Variants in EYS observed in about 807,000 individuals in gnomAD.
The protein encoded by EYS is protein eyes shut homolog.
In EYS, 250 loss-of-function variants were observed where a neutral mutation model predicts 282.1. The ratio of observed to expected loss-of-function variants is 0.89; its 90% CI spans 0.80 to 0.98. The LOEUF is 0.98. Among genes scored for constraint, EYS ranks in the 50% least tolerant of loss-of-function variants. EYS has a pLI of 0.00. For missense variants in EYS, 4,016 were observed against 3,709.0 expected (o/e 1.08, Z -2.15); for synonymous variants, 1,355 against 1,282.9 (o/e 1.06, Z -1.20).
chr6:64,426,721 A>T (rs1774420661), intron 28 of EYS, among the ~76,000 whole-genome samples: 1 of 152,100 alleles, frequency 6.6e-6, no homozygotes. Flanking sequence ...AGCAAGAGGG[A>T]TAAACTATTT....
intron 2 of EYS, among the ~76,000 whole-genome samples, chr6:65,518,885 C>T (rs965353812): frequency 4.6e-5 from 7 of 152,062 alleles, no homozygotes; most frequent in African/African-American, 1.7e-4. Flanking sequence ...TGAGAAAGAC[C>T]CGCCCCCATA....
intron 1 of EYS, among the ~76,000 whole-genome samples, chr6:65,649,119 C>G (rs143314828): frequency 8.6e-6 from 1 of 115,658 alleles, no homozygotes; most frequent in Non-Finnish European, 1.6e-5. Flanking sequence ...GCCTGTGCGA[C>G]AGAGCGAGAC....
At chr6:63,794,690 T>G (rs921456067) in intron 37 of EYS, among the ~76,000 whole-genome samples, 1 of 152,224 alleles carries the variant, frequency 6.6e-6, no homozygotes, top group Non-Finnish European at 1.5e-5. Flanking sequence ...GGGAAATATA[T>G]GAGCAATTTA....
At chr6:65,309,266 G>T (rs943817535) in intron 11 of EYS, among the ~76,000 whole-genome samples, 4 of 152,052 alleles carry the variant, frequency 2.6e-5, no homozygotes, top group Admixed American at 2.6e-4. Context: ...ACATATGTTC[G>T]TAATTGCACC....
chr6:64,697,169 C>G (rs576731412), intron 22 of EYS, among the ~76,000 whole-genome samples: 2 of 152,060 alleles, frequency 1.3e-5, no homozygotes, highest in African/African-American at 2.4e-5. Context: ...AGAAACTCAG[C>G]TTATTGGTAA....
chr6:64,957,977 T>C (rs1769768590), intron 14 of EYS, among the ~76,000 whole-genome samples: 1 of 152,134 alleles, frequency 6.6e-6, no homozygotes, highest in Non-Finnish European at 1.5e-5. Flanking sequence ...CGTTCAACTG[T>C]ATTTTAGCCT....
chr6:64,080,206 C>A (rs1439964431), intron 32 of EYS, among the ~76,000 whole-genome samples: 1 of 152,022 alleles, frequency 6.6e-6, no homozygotes, highest in Non-Finnish European at 1.5e-5. Flanking sequence ...TTCTCCACAT[C>A]CTCTCCAGTA....
intron 14 of EYS, among the ~76,000 whole-genome samples, chr6:64,950,120 C>T (rs1434291360): frequency 1.3e-5 from 2 of 151,790 alleles, no homozygotes; most frequent in Non-Finnish European, 2.9e-5. Context: ...CAAGAGAATC[C>T]AGCAATATGT....
chr6:64,823,445 G>T (rs953241424), intron 19 of EYS, among the ~76,000 whole-genome samples: 5 of 151,830 alleles, frequency 3.3e-5, no homozygotes, highest in Non-Finnish European at 7.4e-5. Flanking sequence ...ACACCGAGAT[G>T]ATAACATAAG....
intron 33 of EYS, among the ~76,000 whole-genome samples, chr6:64,019,998 C>T (rs899598207): frequency 1.3e-5 from 2 of 151,794 alleles, no homozygotes; most frequent in Non-Finnish European, 2.9e-5. Flanking sequence ...AGTGTATCTC[C>T]TCTTAACATT....
At chr6:64,288,234 G>T (rs906335503) in intron 30 of EYS, among the ~76,000 whole-genome samples, 19 of 151,808 alleles carry the variant, frequency 1.3e-4, no homozygotes. Flanking sequence ...TTTTTTTCCT[G>T]CTACCTTTAT....
At chr6:64,082,321 C>T (rs920988586) in intron 31 of EYS, among the ~76,000 whole-genome samples, 3 of 151,958 alleles carry the variant, frequency 2.0e-5, no homozygotes, top group Admixed American at 6.6e-5. Flanking sequence ...CAGTGTTTCA[C>T]CAGATTCTTT....
At chr6:65,534,671 G>T (rs926831161) in intron 2 of EYS, among the ~76,000 whole-genome samples, 1 of 152,036 alleles carries the variant, frequency 6.6e-6, no homozygotes, top group African/African-American at 2.4e-5. Flanking sequence ...TGGATGTCCT[G>T]GTTCTAGTTA....
chr6:64,581,162 A>G (rs985184718), intron 26 of EYS, among the ~76,000 whole-genome samples: 9 of 152,162 alleles, frequency 5.9e-5, no homozygotes, highest in Non-Finnish European at 1.0e-4. Flanking sequence ...CTAAAGAATT[A>G]AAGATGAGTG....
intron 30 of EYS, among the ~76,000 whole-genome samples, chr6:64,305,164 T>G (rs142958753): frequency 3.3e-5 from 5 of 152,342 alleles, no homozygotes; most frequent in Admixed American, 3.3e-4. Context: ...AGATTGCTCA[T>G]GCTTAGTGGG....
intron 30 of EYS, 86 bp from the exon 31 acceptor site, chr6:64,230,910 A>G (rs1236509738): frequency 1.1e-5 from 9 of 782,854 alleles, no homozygotes; most frequent in South Asian, 2.0e-5. Flanking sequence ...TTGATTTAAT[A>G]TAAGAGAAAA....
At chr6:64,757,872 C>A (rs1172434014) in intron 22 of EYS, among the ~76,000 whole-genome samples, 1 of 151,940 alleles carries the variant, frequency 6.6e-6, no homozygotes, top group African/African-American at 2.4e-5. Flanking sequence ...GCAAGCTTCG[C>A]CTCCCGGCTT....
At chr6:65,152,100 G>C (rs1764624651) in intron 12 of EYS, among the ~76,000 whole-genome samples, 1 of 151,920 alleles carries the variant, frequency 6.6e-6, no homozygotes, top group Non-Finnish European at 1.5e-5. Flanking sequence ...ATTTCCTAAT[G>C]TTGTTCTTCA....
At chr6:64,757,671 A>C (rs1772990105) in intron 22 of EYS, among the ~76,000 whole-genome samples, 1 of 149,394 alleles carries the variant, frequency 6.7e-6, no homozygotes, top group African/African-American at 2.5e-5. Flanking sequence ...ATGTCTTCTC[A>C]CTCCACCTGT....
Sources: allele counts gnomAD v4.1 joint callset (sites outside exome capture counted in the v4.1 genomes callset), GRCh38; gene constraint gnomAD v4.1.1; transcripts MANE v1.5; gene names NCBI Gene and HGNC (gene_info 2026-07-23, HGNC 2026-07-21).